The following KIRREL3 variants were observed in gnomAD, a reference collection of about 807,000 sequenced individuals.
KIRREL3 encodes the protein kirre like nephrin family adhesion molecule 3, also known as kin of IRRE-like protein 3.
KIRREL3 carries 36 observed loss-of-function variants against 89.7 expected under a neutral mutation model. The ratio of observed to expected loss-of-function variants is 0.40; its 90% CI spans 0.31 to 0.53. The LOEUF is 0.53. Among genes scored for constraint, KIRREL3 ranks in the 20% least tolerant of loss-of-function variants. The pLI is 0.49. For missense variants in KIRREL3, 864 were observed against 1,056.6 expected (o/e 0.82, Z 2.53); for synonymous variants, 445 against 441.4 (o/e 1.01, Z -0.10).
chr11:126,926,264 G>A (rs772588255), intron 1 of KIRREL3, among the ~76,000 whole-genome samples: 8 of 152,222 alleles, frequency 5.3e-5, no homozygotes, highest in Non-Finnish European at 1.0e-4. Flanking sequence ...TGACCTCTGT[G>A]CAGCGATTCA....
intron 7 of KIRREL3, among the ~76,000 whole-genome samples, chr11:126,452,780 G>A (rs1956221160): frequency 6.6e-6 from 1 of 152,198 alleles, no homozygotes; most frequent in Non-Finnish European, 1.5e-5. Context: ...GGGTCCGCAG[G>A]AGCCCAAGCC....
Position 126,635,315 on chromosome 11 carries a change from G to A in KIRREL3, c.56-72403C>T, listed in dbSNP as rs995187961. Among the ~76,000 whole-genome samples the A allele has an allele frequency of 1.3e-5, 2 of 152,172 alleles. No individual in the cohort carries two copies. The highest frequency in any genetic ancestry group is 2.4e-5 in the African/African-American group (1 of 41,428). On this transcript the variant is annotated intron_variant, in intron 1 of 16. Coordinates refer to ENST00000525144, the MANE Select transcript of KIRREL3 (RefSeq NM_032531.4). This position sits in a 1 kb window ranked among gnomAD's most constrained non-coding sequence, Gnocchi z 4.0. ...CCCCTCCCAGTCCAGAGCAAATCAC[G>A]GTCTCCATGTTTTTCCTCCCTGGTC... is the stretch of plus-strand genomic sequence containing the variant.
At position 126,739,320 on chromosome 11, in the gene KIRREL3, G is replaced by T. The variant is rs1019279306; in HGVS notation, c.56-176408C>A. On this transcript the variant is annotated intron_variant, in intron 1 of 16. Coordinates refer to ENST00000525144, the MANE Select transcript of KIRREL3 (RefSeq NM_032531.4). This position sits in a 1 kb window ranked among gnomAD's most constrained non-coding sequence, Gnocchi z 5.5. ...TGGTTATGGGGCTTCTCTGCAAATT[G>T]CTTCATCCTCCTCTGCATAACACCC... Among the ~76,000 whole-genome samples, 2 of 152,230 alleles carry T rather than the reference G, an allele frequency of 1.3e-5. No homozygotes were observed. The highest frequency in any genetic ancestry group is 2.9e-5 in the Non-Finnish European group (2 of 68,050).
chr11:126,902,612 G>A (rs1946416862), intron 1 of KIRREL3, among the ~76,000 whole-genome samples: 1 of 152,178 alleles, frequency 6.6e-6, no homozygotes, highest in African/African-American at 2.4e-5. Flanking sequence ...CAATCCCTGT[G>A]GATACAGAGA....
At chr11:126,757,881 G>A (rs1286550626) in intron 1 of KIRREL3, among the ~76,000 whole-genome samples, 2 of 152,184 alleles carry the variant, frequency 1.3e-5, no homozygotes, top group African/African-American at 4.8e-5. Context: ...TAGACCATGT[G>A]ATACTAGCCC....
chr11:126,478,906 G>A (rs978603081), intron 4 of KIRREL3, among the ~76,000 whole-genome samples: 1 of 152,166 alleles, frequency 6.6e-6, no homozygotes, highest in Non-Finnish European at 1.5e-5. Flanking sequence ...TAGGAACTCT[G>A]CGCTGCTGTG....
In KIRREL3 at chr11:126,994,860, A is replaced by G. The variant is rs983474167; in HGVS notation, c.55+5595T>C. Among the ~76,000 whole-genome samples the G allele has an allele frequency of 2.6e-5, 4 of 152,188 alleles. No homozygotes were observed. Among genetic ancestry groups the G allele is most frequent in the Non-Finnish European group, 4.4e-5 (3 of 68,034 alleles). ...ATAAAGCTTTGGCAGATGGCAGGAC[A>G]TAGCATCCCTTCCCCAACCATGAGA... On this transcript the variant is annotated intron_variant, in intron 1 of 16. Coordinates refer to ENST00000525144, the MANE Select transcript of KIRREL3 (RefSeq NM_032531.4). The surrounding 1 kb of genome is among the most constrained non-coding windows in gnomAD (Gnocchi z 5.2).
intron 1 of KIRREL3, among the ~76,000 whole-genome samples, chr11:126,869,154 CTTTTTTTTT>C (rs36033176): frequency 8.2e-6 from 1 of 121,294 alleles, no homozygotes. Flanking sequence ...TGCCTGAGGG[CTTTTTTTTT>C]TTTTTTTTTT....
intron 1 of KIRREL3, among the ~76,000 whole-genome samples, chr11:126,777,428 G>A (rs1379552059): frequency 6.6e-6 from 1 of 152,170 alleles, no homozygotes; most frequent in Non-Finnish European, 1.5e-5. Flanking sequence ...AATGTAGGTT[G>A]GAGCCAGGCA....
upstream of KIRREL3, chr11:127,003,331 G>T (rs7115473): frequency 0.13 from 19,769 of 151,878 alleles, 1,583 homozygotes; most frequent in African/African-American, 0.21. Flanking sequence ...GGCTGCCCGC[G>T]GCCTCACCTC....
In KIRREL3 at chr11:126,976,414, A is replaced by AT. The variant is rs1223419711; in HGVS notation, c.55+24040dup. ...GAACCGTTACATTAATCTCCTGCAG[A>AT]TTTTTTTCTGGAGATTTATATGTTT... On this transcript the variant is annotated intron_variant, in intron 1 of 16. Transcript: ENST00000525144. The surrounding 1 kb of genome is among the most constrained non-coding windows in gnomAD (Gnocchi z 4.2). Among the ~76,000 whole-genome samples the AT allele has an allele frequency of 1.1e-4, 16 of 152,084 alleles. No individual in the cohort carries two copies. Among genetic ancestry groups the AT allele is most frequent in the African/African-American group, 3.6e-4 (15 of 41,476 alleles).
chr11:126,966,255 G>A lies in KIRREL3; in HGVS notation c.55+34200C>T, dbSNP rs147651075. Among the ~76,000 whole-genome samples, 1,308 of 152,258 alleles carry A rather than the reference G, an allele frequency of 8.6e-3. 13 individuals are homozygous for A. The highest frequency in any genetic ancestry group is 0.014 in the Non-Finnish European group (919 of 68,008). On this transcript the variant is annotated intron_variant, in intron 1 of 16. Transcript: ENST00000525144. ...ACAGACAAATGAAAGTGTTTACAGG[G>A]TTTAATATTTAATAATGTAAAAGGA...
At position 126,689,696 on chromosome 11, in the gene KIRREL3, T is replaced by C. The variant is rs1946807396; in HGVS notation, c.56-126784A>G. On this transcript the variant is annotated intron_variant, in intron 1 of 16. Transcript: ENST00000525144. This position sits in a 1 kb window ranked among gnomAD's most constrained non-coding sequence, Gnocchi z 5.2. ...GGCTTTTACGCAGTTTCGCTTCAAG[T>C]CAGTGCAACTAGCTACCTGTCTTCC... 6.6e-6 allele frequency among the ~76,000 whole-genome samples: 1 copy of C among 152,220 alleles called. No individual in the cohort carries two copies. The highest frequency in any genetic ancestry group is 1.5e-5 in the Non-Finnish European group (1 of 68,026).
At position 126,755,130 on chromosome 11, in the gene KIRREL3, T is replaced by C. The variant is rs926422968; in HGVS notation, c.56-192218A>G. On this transcript the variant is annotated intron_variant, in intron 1 of 16. Coordinates refer to ENST00000525144, the MANE Select transcript of KIRREL3 (RefSeq NM_032531.4). This position sits in a 1 kb window ranked among gnomAD's most constrained non-coding sequence, Gnocchi z 4.3. ...CCTCCTAGTTTGTTTTAAATCTTGA[T>C]TGGAAGAATTATCCTGACAAGAAAA... is the stretch of plus-strand genomic sequence containing the variant. Among the ~76,000 whole-genome samples, 1 of 152,178 alleles carries C rather than the reference T, an allele frequency of 6.6e-6. No individual in the cohort carries two copies. The highest frequency in any genetic ancestry group is 2.4e-5 in the African/African-American group (1 of 41,434).
chr11:126,454,430 C>T lies in KIRREL3; in HGVS notation c.848+1919G>A, dbSNP rs947674432. Among the ~76,000 whole-genome samples, 4 of 152,040 alleles carry T rather than the reference C, an allele frequency of 2.6e-5. No homozygotes were observed. Among genetic ancestry groups the T allele is most frequent in the South Asian group, 2.1e-4 (1 of 4,810 alleles). On this transcript the variant is annotated intron_variant, in intron 7 of 16. Transcript: ENST00000525144. This position sits in a 1 kb window ranked among gnomAD's most constrained non-coding sequence, Gnocchi z 5.8. ...AAGTTGTGTGTCCTGGTCTCTGGGGCGCCCAACAGGCATTCTAAGGGTGGC... is the reference window on the plus strand; with the variant it reads ...AAGTTGTGTGTCCTGGTCTCTGGGGTGCCCAACAGGCATTCTAAGGGTGGC...
In KIRREL3 at chr11:126,490,822, G is replaced by A. The variant is rs899932206; in HGVS notation, c.434-17356C>T. Among the ~76,000 whole-genome samples, 1 of 152,126 alleles carries A rather than the reference G, an allele frequency of 6.6e-6. No individual in the cohort carries two copies. Among genetic ancestry groups the A allele is most frequent in the Non-Finnish European group, 1.5e-5 (1 of 68,044 alleles). On this transcript the variant is annotated intron_variant, in intron 4 of 16. Transcript: ENST00000525144. The surrounding 1 kb of genome is among the most constrained non-coding windows in gnomAD (Gnocchi z 4.2). ...TCTGGGACTCCAAGGGCCGAGCAGA[G>A]CCGGCAGTAGCATTTGGAGTCAAAT...
intron 1 of KIRREL3, among the ~76,000 whole-genome samples, chr11:126,894,976 G>A: frequency 6.6e-6 from 1 of 152,120 alleles, no homozygotes; most frequent in East Asian, 1.9e-4. Context: ...ATCATTCACA[G>A]TGTATTCCAT....
intron 2 of KIRREL3, among the ~76,000 whole-genome samples, chr11:126,554,557 C>T (rs1324033301): frequency 6.6e-6 from 1 of 152,150 alleles, no homozygotes; most frequent in Non-Finnish European, 1.5e-5. Context: ...TTATCCAGTC[C>T]CAGCATCTTG....
At position 126,905,636 on chromosome 11, in the gene KIRREL3, T is replaced by G. The variant is rs572784671; in HGVS notation, c.55+94819A>C. Among the ~76,000 whole-genome samples the G allele has an allele frequency of 4.4e-4, 67 of 152,218 alleles. No homozygotes were observed. Among genetic ancestry groups the G allele is most frequent in the African/African-American group, 1.5e-3 (63 of 41,536 alleles). On this transcript the variant is annotated intron_variant, in intron 1 of 16. Transcript: ENST00000525144. The surrounding 1 kb of genome is among the most constrained non-coding windows in gnomAD (Gnocchi z 5.0). ...TCATCCTGCACAGTGGCTTGGTGTG[T>G]GATTCGGTGTGCTAAATGGCATGTC...
Sources: gnomAD v4.1 joint callset for allele counts (sites outside exome capture counted in the v4.1 genomes callset) on GRCh38, gnomAD v4.1.1 for gene constraint, Gnocchi (gnomAD v3.1) non-coding constraint, MANE v1.5 for transcripts, NCBI Gene and HGNC (gene_info 2026-07-23, HGNC 2026-07-21) for gene names.